Variants in DOCK8 observed in about 807,000 individuals in gnomAD.
DOCK8 encodes the protein dedicator of cytokinesis 8.
A neutral mutation model predicts 245.6 loss-of-function variants in DOCK8; 141 were observed. That is an observed-to-expected ratio of 0.57 (90% CI 0.50 to 0.66). DOCK8 has a LOEUF of 0.66. DOCK8 is among the 30% of genes least tolerant of loss of function. DOCK8 has a pLI of 0.00. For missense variants in DOCK8, 2,965 were observed against 2,603.4 expected (o/e 1.14, Z -3.02); for synonymous variants, 1,168 against 970.2 (o/e 1.20, Z -3.79).
intron 1 of DOCK8, among the ~76,000 whole-genome samples, chr9:233,767 C>T (rs1164565861): frequency 1.3e-5 from 2 of 151,936 alleles, no homozygotes; most frequent in African/African-American, 4.8e-5. Flanking sequence ...TTCCTCCATC[C>T]CTTTATTTTG....
intron 32 of DOCK8, 108 bp from the exon 33 acceptor site, chr9:421,940 C>T: frequency 2.0e-6 from 2 of 985,226 alleles, no homozygotes; most frequent in Non-Finnish European, 3.2e-6. Flanking sequence ...CTCTAATTAG[C>T]CCGAGAAATG....
At chr9:301,966 C>T (rs189364816) in intron 4 of DOCK8, among the ~76,000 whole-genome samples, 3 of 151,396 alleles carry the variant, frequency 2.0e-5, no homozygotes, top group Admixed American at 2.0e-4. Context: ...TAATTAGCAA[C>T]ATCATTTTTT....
At chr9:261,597 T>G (rs2047919507) in intron 1 of DOCK8, among the ~76,000 whole-genome samples, 1 of 152,212 alleles carries the variant, frequency 6.6e-6, no homozygotes, top group Non-Finnish European at 1.5e-5. Flanking sequence ...GGCATAGTGT[T>G]TTCTGTATAT....
upstream of DOCK8, chr9:213,025 G>C (rs1252368169): frequency 6.6e-6 from 1 of 152,140 alleles, no homozygotes; most frequent in Non-Finnish European, 1.5e-5. Flanking sequence ...TTACACATTT[G>C]TTCTCTTTGT....
At chr9:371,748 A>G (rs929773734) in intron 17 of DOCK8, among the ~76,000 whole-genome samples, 182 bp downstream of exon 17, 1 of 152,272 alleles carries the variant, frequency 6.6e-6, no homozygotes, top group African/African-American at 2.4e-5. Flanking sequence ...AATTTCAGGA[A>G]TGGAAAGCTA....
intron 1 of DOCK8, among the ~76,000 whole-genome samples, chr9:229,829 C>T (rs1016668793): frequency 6.6e-6 from 1 of 151,990 alleles, no homozygotes; most frequent in South Asian, 2.1e-4. Context: ...AACAGCCAAC[C>T]AAACCATCCA....
At chr9:279,064 A>G (rs1407188974) in intron 2 of DOCK8, among the ~76,000 whole-genome samples, 1 of 152,234 alleles carries the variant, frequency 6.6e-6, no homozygotes, top group African/African-American at 2.4e-5. Flanking sequence ...TATTCTGGAT[A>G]TATTTCAGAA....
At chr9:344,940 T>C (rs1339928870) in intron 14 of DOCK8, among the ~76,000 whole-genome samples, 4 of 152,070 alleles carry the variant, frequency 2.6e-5, no homozygotes, top group African/African-American at 9.7e-5. Flanking sequence ...TAATCCCAGC[T>C]ACTCAGGAGG....
At chr9:271,778 G>A (rs2048171341) in intron 2 of DOCK8, 49 bp downstream of exon 2, 6 of 1,356,228 alleles carry the variant, frequency 4.4e-6, no homozygotes, top group Non-Finnish European at 6.2e-6. Flanking sequence ...GTGCAAAAGT[G>A]CCCAGGGTAT....
chr9:279,829 C>A (rs4741751), intron 2 of DOCK8, among the ~76,000 whole-genome samples: 1 of 152,228 alleles, frequency 6.6e-6, no homozygotes, highest in East Asian at 1.9e-4. Context: ...TCTTCCCCGT[C>A]CCCACCAGGA....
chr9:317,228 C>T, intron 7 of DOCK8, 100 bp downstream of exon 7: 1 of 974,514 alleles, frequency 1.0e-6, no homozygotes, highest in Non-Finnish European at 1.6e-6. Flanking sequence ...AAGCGGAGCT[C>T]CCAAAATACG....
intron 6 of DOCK8, among the ~76,000 whole-genome samples, chr9:315,384 A>G (rs1051596517): frequency 3.3e-5 from 5 of 152,208 alleles, no homozygotes; most frequent in Non-Finnish European, 7.3e-5. Context: ...CATATAGCTT[A>G]GAAGAGACTG....
intron 25 of DOCK8, 31 bp downstream of exon 25, chr9:396,965 T>C (rs2054491550): frequency 3.1e-6 from 5 of 1,602,326 alleles, no homozygotes; most frequent in Non-Finnish European, 4.3e-6. Context: ...ATTTTCTAAA[T>C]TGTTTACCTG....
At chr9:234,568 C>T (rs1027075883) in intron 1 of DOCK8, among the ~76,000 whole-genome samples, 2 of 152,144 alleles carry the variant, frequency 1.3e-5, no homozygotes, top group Non-Finnish European at 2.9e-5. Flanking sequence ...TCACATAGTC[C>T]CATATTTCTT....
intron 5 of DOCK8, among the ~76,000 whole-genome samples, chr9:308,677 A>G (rs2049957365): frequency 6.6e-6 from 1 of 152,142 alleles, no homozygotes; most frequent in African/African-American, 2.4e-5. Flanking sequence ...TCTTTTTTAG[A>G]GACAGAGTCT....
At chr9:311,909 A>G in intron 5 of DOCK8, 45 bp from the exon 6 acceptor site, 3 of 1,605,852 alleles carry the variant, frequency 1.9e-6, no homozygotes, top group African/African-American at 2.7e-5. Context: ...TTCTCATTTT[A>G]GACTTGCCGT....
intron 29 of DOCK8, among the ~76,000 whole-genome samples, chr9:417,454 T>C (rs993658674): frequency 1.3e-5 from 2 of 152,188 alleles, no homozygotes; most frequent in African/African-American, 4.8e-5. Flanking sequence ...AATCAATCAG[T>C]TGTGAATGTT....
intron 14 of DOCK8, among the ~76,000 whole-genome samples, chr9:351,165 G>A (rs1316777943): frequency 6.6e-6 from 1 of 152,212 alleles, no homozygotes; most frequent in Non-Finnish European, 1.5e-5. Context: ...GATTTGCCTA[G>A]TATGGTCTAC....
chr9:405,196 A>C (rs2055356466), intron 27 of DOCK8, 123 bp downstream of exon 27: 1 of 1,026,870 alleles, frequency 9.7e-7, no homozygotes, highest in South Asian at 1.5e-5. Flanking sequence ...AAACAATTCA[A>C]ACCAGATCAA....
Sources: gnomAD v4.1 joint callset for allele counts (sites outside exome capture counted in the v4.1 genomes callset) on GRCh38, gnomAD v4.1.1 for gene constraint, MANE v1.5 for transcripts, NCBI Gene and HGNC (gene_info 2026-07-23, HGNC 2026-07-21) for gene names.